Variants in DMD observed in about 807,000 individuals in gnomAD.
The protein encoded by DMD is mutant dystrophin.
DMD carries 63 observed loss-of-function variants against 330.1 expected under a neutral mutation model. That is an observed-to-expected ratio of 0.19 (90% CI 0.16 to 0.24). The LOEUF is 0.24. Among genes scored for constraint, DMD ranks in the 10% least tolerant of loss-of-function variants. The pLI is 1.00. For missense variants in DMD, 3,344 were observed against 2,684.1 expected, an observed-to-expected ratio of 1.25 and a Z score of -5.43; for synonymous variants, 1,223 against 959.8, an observed-to-expected ratio of 1.27 and a Z score of -5.07.
intron 9 of DMD, among the ~76,000 whole-genome samples, chrX:32,672,714 A>T (rs2061706360): frequency 9.0e-6 from 1 of 110,805 alleles, no homozygotes; most frequent in Non-Finnish European, 1.9e-5. Flanking sequence ...GAAAAAAAGT[A>T]CTTATTTTTC....
At chrX:33,270,652 C>T (rs1460315532) in intron 1 of DMD, among the ~76,000 whole-genome samples, 1 of 111,677 alleles carries the variant, frequency 9.0e-6, no homozygotes, top group Non-Finnish European at 1.9e-5. Flanking sequence ...TTGCACACGT[C>T]CTCAACTAGG....
intron 44 of DMD, among the ~76,000 whole-genome samples, chrX:32,202,743 T>G (rs1328114683): frequency 8.9e-6 from 1 of 112,394 alleles, no homozygotes; most frequent in African/African-American, 3.2e-5. Flanking sequence ...TCATGTGGTA[T>G]GTCTGAGAAG....
rs146794208 is a variant in DMD, at chrX:31,829,861, C to T, written c.7200+6857G>A. On this transcript the variant is annotated intron_variant, in intron 49 of 78. Coordinates refer to ENST00000357033, the MANE Select transcript of DMD (RefSeq NM_004006.3). The stretch of plus-strand genomic sequence containing the variant: ...AACTGAAACATCTATGTCTCTTTGT[C>T]TCTCTCTTTAAGTGTAACTAATACA... Among the ~76,000 whole-genome samples the T allele has an allele frequency of 6.7e-3, 753 of 112,180 alleles. 6 individuals are homozygous for T. Among genetic ancestry groups the T allele is most frequent in the African/African-American group, 0.023 (714 of 30,894 alleles).
intron 44 of DMD, among the ~76,000 whole-genome samples, chrX:32,059,894 C>T (rs986919124): frequency 8.1e-5 from 9 of 111,323 alleles, no homozygotes; most frequent in East Asian, 2.8e-4. Context: ...AAAAGAGAAA[C>T]GAAGCAGTTG....
chrX:32,801,104 C>A (rs1414350467), intron 7 of DMD, among the ~76,000 whole-genome samples: 1 of 111,607 alleles, frequency 9.0e-6, no homozygotes, highest in African/African-American at 3.3e-5. Flanking sequence ...AATCACCACA[C>A]TGTCTTCCAC....
rs374316458 is a variant in DMD, at chrX:33,116,162, C to T, written c.31+95120G>A. The stretch of plus-strand genomic sequence containing the variant: ...GAGCCGAGATGGTGCCACTGCACTG[C>T]AGCCTGCGAGACAGAGTGAAACCCA... On this transcript the variant is annotated intron_variant, in intron 1 of 78. Coordinates refer to ENST00000357033, the MANE Select transcript of DMD (RefSeq NM_004006.3). Among the ~76,000 whole-genome samples, 11 of 109,167 alleles carry T rather than the reference C, an allele frequency of 1.0e-4. No homozygotes were observed. In the East Asian group the frequency reaches 3.2e-3, roughly 32 times the overall value. The allele number at this position is 109,167 out of a possible 115,157, so 94.8% of individuals were successfully genotyped here. A position where few individuals can be genotyped will look rare whatever the true frequency, so the allele number is the denominator to read the frequency against.
At chrX:32,211,614 C>G (rs925174030) in intron 44 of DMD, among the ~76,000 whole-genome samples, 4 of 111,666 alleles carry the variant, frequency 3.6e-5, no homozygotes, top group African/African-American at 9.8e-5. Flanking sequence ...TTTCGCTCCC[C>G]ATGTCTGCTT....
intron 6 of DMD, among the ~76,000 whole-genome samples, chrX:32,814,201 T>C (rs1179887818): frequency 2.7e-5 from 3 of 112,361 alleles, no homozygotes; most frequent in African/African-American, 9.7e-5. Flanking sequence ...AGGAAGACAA[T>C]TGTAACTTTA....
At chrX:32,125,671 T>C (rs1048187042) in intron 44 of DMD, among the ~76,000 whole-genome samples, 1 of 112,021 alleles carries the variant, frequency 8.9e-6, no homozygotes, top group African/African-American at 3.2e-5. Context: ...AAAGGAGATA[T>C]CATTCCTTCT....
At chrX:32,712,841 T>C (rs1156318207) in intron 7 of DMD, among the ~76,000 whole-genome samples, 1 of 111,761 alleles carries the variant, frequency 8.9e-6, no homozygotes, top group Non-Finnish European at 1.9e-5. Flanking sequence ...CTAGGTTTTA[T>C]ATCACCTTAA....
intron 60 of DMD, among the ~76,000 whole-genome samples, chrX:31,380,813 A>G (rs1017596217): frequency 4.5e-5 from 5 of 109,995 alleles, no homozygotes. Context: ...TTTCACTTGG[A>G]CTGACCCTGA....
Position 31,182,853 on chromosome X carries a change from G to A in DMD, c.9859C>T (p.Leu3287=). 1.7e-6 allele frequency: 2 copies of A among 1,209,425 alleles called. No homozygotes were observed. The highest frequency in any genetic ancestry group is 2.2e-6 in the Non-Finnish European group (2 of 894,635). Residue 3287 remains leucine, a synonymous_variant, in exon 68 of 79, where the codon CTG becomes TTG. Coordinates refer to ENST00000357033, the MANE Select transcript of DMD (RefSeq NM_004006.3). Reference sequence around the variant, plus strand: ...AGCCACACCATGGACTGGGGTTCCAGTCTCATCCAGTCTAGGAAGAGGGCC... The same window carrying A: ...AGCCACACCATGGACTGGGGTTCCAATCTCATCCAGTCTAGGAAGAGGGCC... ...EAALFLDWMR[L]EPQSMVWLPV...
intron 48 of DMD, among the ~76,000 whole-genome samples, chrX:31,858,745 T>C (rs1366305609): frequency 9.0e-6 from 1 of 110,964 alleles, no homozygotes; most frequent in Non-Finnish European, 1.9e-5. Context: ...TTTGTCTTTT[T>C]CTCCCCATTG....
In DMD at chrX:33,113,149, G is replaced by C. The variant is rs186046006; in HGVS notation, c.32-92949C>G. Among the ~76,000 whole-genome samples the C allele has an allele frequency of 3.3e-3, 339 of 104,184 alleles. 1 individual carries two copies. Among genetic ancestry groups the C allele is most frequent in the African/African-American group, 0.011 (317 of 28,537 alleles). 90.5% of individuals were successfully genotyped at this position (104,184 alleles called of 115,157 possible). The stretch of plus-strand genomic sequence containing the variant: ...GCTCACTGCGACCTCTGCCTCCCAA[G>C]TTCAAGAGATTCTCCTGCCTCAGCC... On this transcript the variant is annotated intron_variant, in intron 1 of 78. Coordinates refer to ENST00000357033, the MANE Select transcript of DMD (RefSeq NM_004006.3).
intron 33 of DMD, 152 bp from the exon 34 acceptor site, chrX:32,380,832 G>A: frequency 2.0e-6 from 1 of 495,436 alleles, no homozygotes. Flanking sequence ...CATATATTCT[G>A]AATATTAAGA....
At chrX:33,045,913 C>T (rs777294144) in intron 1 of DMD, among the ~76,000 whole-genome samples, 2 of 111,369 alleles carry the variant, frequency 1.8e-5, no homozygotes, top group East Asian at 5.7e-4. Context: ...AGCTGGCAGT[C>T]TTTCAAGGGT....
chrX:32,333,375 G>A (rs774481067), intron 41 of DMD, among the ~76,000 whole-genome samples: 1 of 110,792 alleles, frequency 9.0e-6, no homozygotes, highest in African/African-American at 3.3e-5. Context: ...ACAATTCTAG[G>A]TTCCTACGTG....
intron 16 of DMD, among the ~76,000 whole-genome samples, chrX:32,560,211 C>T (rs1425091765): frequency 9.4e-6 from 1 of 106,049 alleles, no homozygotes; most frequent in Non-Finnish European, 1.9e-5. Flanking sequence ...TATATATATG[C>T]TTACACCAAA....
chrX:31,147,542 A>T lies in DMD; in HGVS notation c.10554-24T>A, dbSNP rs1405119376. On this transcript the variant is annotated intron_variant, in intron 74 of 78. Transcript: ENST00000357033. ...TCCTATTGGCATCAAAAAAGTAAAA[A>T]AGAAAAAAAAAGAAAGAAAAAGAAA... The T allele has an allele frequency of 4.1e-6, 4 of 980,117 alleles. No individual in the cohort carries two copies. The South Asian group carries it at 9.3e-5, about 23-fold the overall frequency. 80.8% of individuals were successfully genotyped at this position (980,117 alleles called of 1,213,427 possible).
Sources: allele counts gnomAD v4.1 joint callset (sites outside exome capture counted in the v4.1 genomes callset), GRCh38; gene constraint gnomAD v4.1.1; transcripts MANE v1.5; gene names NCBI Gene and HGNC (gene_info 2026-07-23, HGNC 2026-07-21).